WDR19: variants seen among roughly 807,000 people sequenced by gnomAD.
WDR19 encodes the protein WD repeat-containing protein 19.
A neutral mutation model predicts 180.0 loss-of-function variants in WDR19; 121 were observed. The observed-to-expected ratio is 0.67, with a 90% CI of 0.58 to 0.78. The LOEUF is 0.78. WDR19 is among the 30% of genes least tolerant of loss of function. The pLI is 0.00. For synonymous variants in WDR19, 497 were observed against 540.7 expected, an observed-to-expected ratio of 0.92 and a Z score of 1.12; for missense variants, 1,450 against 1,640.7, an observed-to-expected ratio of 0.88 and a Z score of 2.01.
chr4:39,230,305 C>T (rs1730705641), intron 17 of WDR19, among the ~76,000 whole-genome samples: 1 of 152,146 alleles, frequency 6.6e-6, no homozygotes. Flanking sequence ...ACCCCTCTTT[C>T]TTTACCCATC....
intron 14 of WDR19, 109 bp from the exon 15 acceptor site, chr4:39,224,775 T>C: frequency 1.0e-6 from 1 of 979,108 alleles, no homozygotes; most frequent in Non-Finnish European, 1.5e-6. Flanking sequence ...ATCAAAAACA[T>C]GACATTTTTC....
chr4:39,253,042 G>A, intron 24 of WDR19, 104 bp from the exon 25 acceptor site: 1 of 1,100,944 alleles, frequency 9.1e-7, no homozygotes, highest in South Asian at 2.1e-5. Context: ...GGAAAAATAA[G>A]CAGTCACCAT....
chr4:39,251,739 C>A (rs1172469701), intron 24 of WDR19, among the ~76,000 whole-genome samples: 3 of 151,908 alleles, frequency 2.0e-5, no homozygotes, highest in African/African-American at 7.3e-5. Flanking sequence ...TTTATGCAGC[C>A]AAAAAACACA....
At chr4:39,266,605 A>C (rs1232125710) in intron 29 of WDR19, among the ~76,000 whole-genome samples, 1 of 152,226 alleles carries the variant, frequency 6.6e-6, no homozygotes, top group East Asian at 1.9e-4. Context: ...TCCTCACCAC[A>C]TACAATTTTT....
intron 26 of WDR19, among the ~76,000 whole-genome samples, chr4:39,255,497 G>A (rs1733657947): frequency 6.6e-6 from 1 of 152,126 alleles, no homozygotes; most frequent in Admixed American, 6.6e-5. Context: ...TCTTTAACCA[G>A]CATCTACTGG....
chr4:39,247,103 C>T (rs543738375), intron 24 of WDR19, among the ~76,000 whole-genome samples: 187 of 152,328 alleles, frequency 1.2e-3, no homozygotes, highest in African/African-American at 4.1e-3. Context: ...AGGCACCCCC[C>T]AGTAGGGGCG....
Position 39,224,979 on chromosome 4 carries a change from T to A in WDR19, c.1575T>A (p.Asn525Lys). The change falls in exon 15 of 37, where the codon AAT becomes AAA. Residue 525 changes from asparagine (N) to lysine (K), a missense_variant. Physicochemically the swap from Asn to Lys is moderately conservative, Grantham distance 94. Transcript: ENST00000399820. ...VSVKKIFPDP[N>K]GTRLVFIDEK... ...TGAAAAAGATTTTTCCCGACCCAAA[T>A]GGGACCAGATTAGTTTTCATTGATG... 6.3e-7 allele frequency: 1 copy of A among 1,577,628 alleles called. No individual in the cohort carries two copies. The highest frequency in any genetic ancestry group is 1.2e-5 in the South Asian group (1 of 85,068).
chr4:39,277,020 G>A lies in WDR19; in HGVS notation c.3717G>A (p.Arg1239=). The A allele has an allele frequency of 1.2e-6, 2 of 1,612,274 alleles. No individual in the cohort carries two copies. The highest frequency in any genetic ancestry group is 2.2e-5 in the South Asian group (2 of 90,526). The part of the protein sequence containing the change: ...KYKKKIEGMV[R]RPDISEIEEA... ...TAAATGACATGATTCTTCCTCACAG[G>A]AGACCCGATATATCTGAGATAGAAG... is the stretch of plus-strand genomic sequence containing the variant. The change falls in exon 34 of 37, where the codon AGG becomes AGA. Residue 1239 remains arginine, a splice_region_variant and synonymous_variant. Transcript: ENST00000399820.
intron 4 of WDR19, among the ~76,000 whole-genome samples, chr4:39,190,856 T>G (rs10213541): frequency 0.046 from 7,076 of 152,344 alleles, 536 homozygotes; most frequent in African/African-American, 0.16. Flanking sequence ...TTATATACTC[T>G]CTGTGCTTCC....
chr4:39,271,387 C>T (rs1004248960), intron 31 of WDR19, among the ~76,000 whole-genome samples: 1 of 152,110 alleles, frequency 6.6e-6, no homozygotes, highest in Admixed American at 6.6e-5. Context: ...ATCCTGCAAA[C>T]ATCAAGTACT....
intron 3 of WDR19, among the ~76,000 whole-genome samples, chr4:39,188,447 G>A (rs1474927732): frequency 1.3e-5 from 2 of 151,520 alleles, no homozygotes; most frequent in Non-Finnish European, 2.9e-5. Context: ...AGGCACAGGG[G>A]CTCACACCTG....
chr4:39,277,125 C>G lies in WDR19; in HGVS notation c.3822C>G (p.Ile1274Met). The G allele has an allele frequency of 6.2e-7, 1 of 1,610,704 alleles. No individual in the cohort carries two copies. The highest frequency in any genetic ancestry group is 8.5e-7 in the Non-Finnish European group (1 of 1,178,836). ...TCTGTCCTGGATGTAAAAACAGTAT[C>G]CCATATTGCATTGCAACAGTGAGTT... Reference protein sequence around the residue: ...ELLCPGCKNSIPYCIATGRHM... With the variant: ...ELLCPGCKNSMPYCIATGRHM... Residue 1274 changes from isoleucine (I) to methionine (M), a missense_variant, in exon 34 of 37, where the codon ATC becomes ATG. Ile to Met is a conservative substitution (Grantham distance 10, BLOSUM62 1). Transcript: ENST00000399820.
rs768082694 is a variant in WDR19, at chr4:39,234,874, G to A, written c.2362G>A (p.Ala788Thr). 102 of 1,551,728 alleles carry A rather than the reference G, an allele frequency of 6.6e-5. No homozygotes were observed. The highest frequency in any genetic ancestry group is 2.3e-4 in the Admixed American group (12 of 51,508). ...AGAATATGCTATTCAGCTTGAATTC[G>A]CGTAAGTCTTTGTTTTTATACATTT... ...SKEYAIQLEF[A>T]GDYVNALAHY... The change falls in exon 20 of 37, where the codon GCG (alanine) becomes ACG (threonine). Residue 788 changes from alanine to threonine, a missense_variant and splice_region_variant. Transcript: ENST00000399820.
At position 39,228,594 on chromosome 4, in the gene WDR19, A is replaced by T. The variant is rs759379989; in HGVS notation, c.1886A>T (p.Asn629Ile). Residue 629 changes from asparagine (N) to isoleucine (I), a missense_variant, in exon 17 of 37, where the codon AAC (asparagine) becomes ATC (isoleucine). Coordinates refer to ENST00000399820, the MANE Select transcript of WDR19 (RefSeq NM_025132.4). ...TCQTQSGKVN[N>I]IYLSTHGFLS... Reference sequence around the variant, plus strand: ...CAAACACAGAGTGGAAAAGTAAACAACATCTACCTTAGCACCCATGGCTTT... The same window carrying T: ...CAAACACAGAGTGGAAAAGTAAACATCATCTACCTTAGCACCCATGGCTTT... The T allele has an allele frequency of 6.2e-7, 1 of 1,613,894 alleles. No homozygotes were observed. The highest frequency in any genetic ancestry group is 2.2e-5 in the East Asian group (1 of 44,876).
rs963316049 is a variant in WDR19, at chr4:39,252,538, A to T, written c.2730-608A>T. Reference sequence around the variant, plus strand: ...AAAAATAATAAAAAAAAATTAAAAAATTTTTTAAAGAAGTGTAACTTTCTA... The same window carrying T: ...AAAAATAATAAAAAAAAATTAAAAATTTTTTTAAAGAAGTGTAACTTTCTA... On this transcript the variant is annotated intron_variant, in intron 24 of 36. Coordinates refer to ENST00000399820, the MANE Select transcript of WDR19 (RefSeq NM_025132.4). 7.2e-5 allele frequency among the ~76,000 whole-genome samples: 11 copies of T among 151,818 alleles called. No individual in the cohort carries two copies. The South Asian group carries it at 8.3e-4, about 11-fold the overall frequency.
intron 28 of WDR19, among the ~76,000 whole-genome samples, chr4:39,261,476 C>T (rs1291840090): frequency 3.3e-5 from 5 of 152,168 alleles, no homozygotes; most frequent in East Asian, 3.9e-4. Context: ...AAGAAGAAGA[C>T]GACTTGCCTT....
intron 28 of WDR19, among the ~76,000 whole-genome samples, chr4:39,262,817 A>G (rs906289175): frequency 1.1e-4 from 16 of 152,318 alleles, no homozygotes; most frequent in African/African-American, 3.8e-4. Flanking sequence ...AGCACATGGC[A>G]GTCACTCAGT....
rs1730536712 is a variant in WDR19, at chr4:39,228,628, C to T, written c.1920C>T (p.Asn640=). 6.2e-7 allele frequency: 1 copy of T among 1,613,210 alleles called. No homozygotes were observed. The highest frequency in any genetic ancestry group is 1.1e-5 in the South Asian group (1 of 90,872). Residue 640 remains asparagine, a synonymous_variant, in exon 17 of 37, where the codon AAC becomes AAT. Coordinates refer to ENST00000399820, the MANE Select transcript of WDR19 (RefSeq NM_025132.4). ...IYLSTHGFLS[N]LKDTGPDELR... is the part of the protein sequence containing the mutation. Reference sequence around the variant, plus strand: ...TTAGCACCCATGGCTTTCTCAGCAACTTAAAAGATACGGGGCCTGACGAAC... The same window carrying T: ...TTAGCACCCATGGCTTTCTCAGCAATTTAAAAGATACGGGGCCTGACGAAC...
intron 7 of WDR19, among the ~76,000 whole-genome samples, chr4:39,204,592 A>G (rs1727753877): frequency 6.6e-6 from 1 of 152,236 alleles, no homozygotes; most frequent in Non-Finnish European, 1.5e-5. Context: ...CAAATAAGTA[A>G]TGTACTTTTT....
Sources: allele counts gnomAD v4.1 joint callset (sites outside exome capture counted in the v4.1 genomes callset), GRCh38; gene constraint gnomAD v4.1.1; transcripts MANE v1.5; gene names NCBI Gene and HGNC (gene_info 2026-07-23, HGNC 2026-07-21).